The following NEURL3 variants were observed in gnomAD, a reference collection of about 807,000 sequenced individuals.
NEURL3 encodes neuralized E3 ubiquitin protein ligase 3.
A neutral mutation model predicts 17.6 loss-of-function variants in NEURL3; 19 were observed. The observed-to-expected ratio is 1.08, with a 90% confidence interval of 0.75 to 1.58. The LOEUF is 1.58. NEURL3 is among the 40% of genes most tolerant of loss of function. The probability of loss-of-function intolerance (pLI) is 0.00; values close to 1 mark genes in which losing one functional copy is unlikely to be tolerated. For synonymous variants in NEURL3, 180 were observed against 161.4 expected, an observed-to-expected ratio of 1.11 and a Z score of -0.87; for missense variants, 342 against 379.6, an observed-to-expected ratio of 0.90 and a Z score of 0.82.
chr2:96,501,574 G>A (rs2065507644), intron 1 of NEURL3, among the ~76,000 whole-genome samples: 1 of 152,076 alleles, frequency 6.6e-6, no homozygotes, highest in African/African-American at 2.4e-5. Context: ...ACAGAGTATG[G>A]GTGCAGGCTG....
At position 96,500,291 on chromosome 2, in the gene NEURL3, C is replaced by T. The variant is rs557090953; in HGVS notation, c.514+148G>A. The T allele has an allele frequency of 1.7e-5, 20 of 1,192,100 alleles. No homozygotes were observed. In the South Asian group the frequency reaches 1.9e-4, roughly 11 times the overall value. The allele number at this position is 1,192,100 out of a possible 1,614,324, so 73.8% of individuals were successfully genotyped here. ...ACTGAGCCTTGTCTATCTGGCGTCT[C>T]CAGTGCCCATCTTCACAGCTAACAC... On this transcript the variant is annotated intron_variant, in intron 2 of 3. Coordinates refer to ENST00000451794, the MANE Select transcript of NEURL3 (RefSeq NM_001285485.2).
Position 96,500,824 on chromosome 2 carries a change from C to A in NEURL3, c.129G>T (p.Thr43=). 1 of 1,528,424 alleles carries A rather than the reference C, an allele frequency of 6.5e-7. No homozygotes were observed. The highest frequency in any genetic ancestry group is 8.7e-7 in the Non-Finnish European group (1 of 1,143,070). The allele number at this position is 1,528,424 out of a possible 1,614,324, so 94.7% of individuals were successfully genotyped here. A position where few individuals can be genotyped will look rare whatever the true frequency, so the allele number is the denominator to read the frequency against. ...TRGCIAHRRT[T]FHDGIVFSQR... ...GGCTGAACACGATGCCGTCGTGGAA[C>A]GTGGTGCGCCTGTGCGCGATGCAGC... Residue 43 remains threonine, a synonymous_variant, in exon 2 of 4, where the codon ACG becomes ACT. Coordinates refer to ENST00000451794, the MANE Select transcript of NEURL3 (RefSeq NM_001285485.2).
At chr2:96,505,393 G>T, upstream of NEURL3, 1 of 1,054,350 alleles carries the variant, frequency 9.5e-7, no homozygotes, top group Non-Finnish European at 1.4e-6. Flanking sequence ...TTATGGGCCA[G>T]AGATCACGTT....
chr2:96,504,604 G>C (rs532014859), intron 1 of NEURL3: 1 of 152,302 alleles, frequency 6.6e-6, no homozygotes, highest in East Asian at 1.9e-4. Flanking sequence ...GGCCGGGTGC[G>C]GTGGCTCACG....
chr2:96,503,096 G>A (rs2065525696), intron 1 of NEURL3, among the ~76,000 whole-genome samples: 1 of 152,168 alleles, frequency 6.6e-6, no homozygotes, highest in African/African-American at 2.4e-5. Flanking sequence ...ACTGGCTCTG[G>A]GGGCAAGGAG....
intron 1 of NEURL3, chr2:96,504,560 C>T (rs2065542675): frequency 6.6e-6 from 1 of 152,310 alleles, no homozygotes; most frequent in African/African-American, 2.4e-5. Flanking sequence ...GATGCACAAC[C>T]CCAATAGCTG....
In NEURL3 at chr2:96,498,176, C is replaced by A; in HGVS notation, c.*68G>T. On this transcript the variant is annotated 3_prime_UTR_variant, in exon 4 of 4. Coordinates refer to ENST00000451794, the MANE Select transcript of NEURL3 (RefSeq NM_001285485.2). The surrounding 1 kb of genome is among the most constrained non-coding windows in gnomAD (Gnocchi z 4.4). ...CCAGAAAGAAGGTAGGGCTGCGCCT[C>A]CTTCCTCTCTGCAGGGGCCAGACTC... 1 of 1,411,456 alleles carries A rather than the reference C, an allele frequency of 7.1e-7. No individual in the cohort carries two copies. The highest frequency in any genetic ancestry group is 9.4e-7 in the Non-Finnish European group (1 of 1,067,360). 87.4% of individuals were successfully genotyped at this position (1,411,456 alleles called of 1,614,324 possible).
chr2:96,503,412 G>A (rs1456421999), intron 1 of NEURL3, among the ~76,000 whole-genome samples: 1 of 152,170 alleles, frequency 6.6e-6, no homozygotes, highest in East Asian at 1.9e-4. Context: ...CGCAGCCGGG[G>A]CATCTAAGCA....
rs150189833 is a variant in NEURL3, at chr2:96,498,348, G to T, written c.685C>A (p.Arg229=). The change falls in exon 4 of 4, where the codon CGG becomes AGG. Residue 229 remains arginine (R), a synonymous_variant. Coordinates refer to ENST00000451794, the MANE Select transcript of NEURL3 (RefSeq NM_001285485.2). The surrounding 1 kb of genome is among the most constrained non-coding windows in gnomAD (Gnocchi z 4.4). ...CACTTGGCCGTATCGCTGAAGACCC[G>T]CCAGGCACAGTATCTGCAGAAGTAT... is the stretch of plus-strand genomic sequence containing the variant. The part of the protein sequence containing the change: ...HTYFCRYCAW[R]VFSDTAKCPV... 1 of 1,599,130 alleles carries T rather than the reference G, an allele frequency of 6.3e-7. No homozygotes were observed. Among genetic ancestry groups the T allele is most frequent in the South Asian group, 1.1e-5 (1 of 90,964 alleles).
At chr2:96,505,049 G>A (rs185163014) in intron 1 of NEURL3, among the ~76,000 whole-genome samples, 13 of 152,164 alleles carry the variant, frequency 8.5e-5, no homozygotes, top group African/African-American at 3.1e-4. Flanking sequence ...AGCAGGCATC[G>A]TCCCTGGCCT....
rs370325973 is a variant in NEURL3 at position 96,505,336 on chromosome 2, G to A, written c.-50C>T. On this transcript the variant is annotated 5_prime_UTR_variant, in exon 1 of 4. Coordinates refer to ENST00000451794, the MANE Select transcript of NEURL3 (RefSeq NM_001285485.2). ...TCCCCAGGTCTAGAAGGAACTGCCT[G>A]GAGAAGGCCAGTGGACAGGTTACCA... 1.2e-5 allele frequency: 19 copies of A among 1,591,252 alleles called. No individual in the cohort carries two copies. The highest frequency in any genetic ancestry group is 1.6e-5 in the Non-Finnish European group (19 of 1,173,002).
chr2:96,508,069 T>G (rs911597001), upstream of NEURL3: 1 of 152,284 alleles, frequency 6.6e-6, no homozygotes, highest in Non-Finnish European at 1.5e-5. Flanking sequence ...GCAGGAGATT[T>G]GTAGATAGGC....
rs1420551576 is a variant in NEURL3, at chr2:96,500,811, T to C, written c.142A>G (p.Ile48Val). 3.3e-6 allele frequency: 5 copies of C among 1,527,252 alleles called. No homozygotes were observed. Among genetic ancestry groups the C allele is most frequent in the Non-Finnish European group, 4.4e-6 (5 of 1,142,590 alleles). 94.6% of individuals were successfully genotyped at this position (1,527,252 alleles called of 1,614,324 possible). Residue 48 changes from isoleucine (I) to valine (V), a missense_variant, in exon 2 of 4, where the codon ATC (isoleucine) becomes GTC (valine). Coordinates refer to ENST00000451794, the MANE Select transcript of NEURL3 (RefSeq NM_001285485.2). Reference protein sequence around the residue: ...AHRRTTFHDGIVFSQRPVRLG... With the variant: ...AHRRTTFHDGVVFSQRPVRLG... ...CGCACCGGCCGCTGGCTGAACACGA[T>C]GCCGTCGTGGAACGTGGTGCGCCTG...
chr2:96,506,349 G>T (rs547565489), upstream of NEURL3, among the ~76,000 whole-genome samples: 2 of 152,164 alleles, frequency 1.3e-5, no homozygotes, highest in African/African-American at 4.8e-5. Flanking sequence ...GGGACCACAG[G>T]TGCATTCCAC....
chr2:96,500,017 C>A (rs565919330), intron 2 of NEURL3: 1 of 205,538 alleles, frequency 4.9e-6, no homozygotes, highest in Non-Finnish European at 9.6e-6. Context: ...CTTTTCCCCC[C>A]CACTGACTGA....
At chr2:96,507,239 C>T (rs747155828), upstream of NEURL3, among the ~76,000 whole-genome samples, 3 of 152,130 alleles carry the variant, frequency 2.0e-5, no homozygotes, top group Non-Finnish European at 4.4e-5. Flanking sequence ...TCCACGATGC[C>T]CACTCTTCAT....
At position 96,498,968 on chromosome 2, in the gene NEURL3, G is replaced by C. The variant is rs1380296737; in HGVS notation, c.586+410C>G. Among the ~76,000 whole-genome samples the C allele has an allele frequency of 1.3e-5, 2 of 152,094 alleles. No homozygotes were observed. Among genetic ancestry groups the C allele is most frequent in the East Asian group, 3.8e-4 (2 of 5,200 alleles). Reference sequence around the variant, plus strand: ...AATTTTTGTACTTTTTGTAGAGACAGGGTTTCGCCATGTTGCCCAGGCTGG... The same window carrying C: ...AATTTTTGTACTTTTTGTAGAGACACGGTTTCGCCATGTTGCCCAGGCTGG... On this transcript the variant is annotated intron_variant, in intron 3 of 3. Transcript: ENST00000451794. This position sits in a 1 kb window ranked among gnomAD's most constrained non-coding sequence, Gnocchi z 4.4.
intron 2 of NEURL3, 51 bp downstream of exon 2, chr2:96,500,388 T>A: frequency 6.3e-7 from 1 of 1,591,454 alleles, no homozygotes; most frequent in South Asian, 1.1e-5. Flanking sequence ...GGGGTGCCAC[T>A]GGAGCCCCCA....
At chr2:96,505,376 C>G, upstream of NEURL3, 1 of 1,378,158 alleles carries the variant, frequency 7.3e-7, no homozygotes. Context: ...TTCAGCAGGT[C>G]TGCTTTTTAT....
Sources: allele counts gnomAD v4.1 joint callset (sites outside exome capture counted in the v4.1 genomes callset), GRCh38; gene constraint gnomAD v4.1.1; non-coding constraint Gnocchi (gnomAD v3.1); transcripts MANE v1.5; gene names NCBI Gene and HGNC (gene_info 2026-07-23, HGNC 2026-07-21).